Variants in C10orf90 observed in about 807,000 individuals in gnomAD.
C10orf90 encodes the protein chromosome 10 open reading frame 90, also known as (E2-independent) E3 ubiquitin-conjugating enzyme FATS.
C10orf90 carries 56 observed loss-of-function variants against 62.5 expected under a neutral mutation model. That is an observed-to-expected ratio of 0.90 (90% confidence interval 0.72 to 1.12). The LOEUF (loss-of-function observed/expected upper bound fraction) is 1.12. C10orf90 is among the 50% of genes most tolerant of loss of function. C10orf90 has a pLI of 0.00. For synonymous variants in C10orf90, 386 were observed against 340.4 expected (o/e 1.13, Z -1.47); for missense variants, 970 against 880.4 (o/e 1.10, Z -1.29).
intron 1 of C10orf90, among the ~76,000 whole-genome samples, chr10:126,669,563 G>A (rs548793436): frequency 3.9e-5 from 6 of 152,300 alleles, no homozygotes; most frequent in Admixed American, 3.3e-4. Context: ...ATAAACAGCC[G>A]ATCAGATTTC....
chr10:126,522,973 A>G (rs1032282070), intron 2 of C10orf90: 1 of 152,192 alleles, frequency 6.6e-6, no homozygotes, highest in Non-Finnish European at 1.5e-5. Context: ...AAATGAGGCA[A>G]ATAAAGGTTT....
chr10:126,566,441 G>A (rs772817449), intron 2 of C10orf90, among the ~76,000 whole-genome samples: 13 of 152,082 alleles, frequency 8.5e-5, no homozygotes, highest in Non-Finnish European at 1.3e-4. Flanking sequence ...AAGAATTACC[G>A]CCAGTTTCAG....
At chr10:126,469,990 T>C (rs558979572) in intron 4 of C10orf90, 1 of 456,766 alleles carries the variant, frequency 2.2e-6, no homozygotes, top group South Asian at 1.5e-5. Flanking sequence ...AAGGCATTCT[T>C]CTGCATGTTG....
At chr10:126,443,336 T>C (rs1470296078) in intron 7 of C10orf90, among the ~76,000 whole-genome samples, 1 of 151,984 alleles carries the variant, frequency 6.6e-6, no homozygotes, top group Admixed American at 6.6e-5. Flanking sequence ...TGGGAGATAT[T>C]ACAACTGATA....
chr10:126,428,202 TA>T (rs1857369429), intron 8 of C10orf90, among the ~76,000 whole-genome samples: 1 of 151,772 alleles, frequency 6.6e-6, no homozygotes, highest in African/African-American at 2.4e-5. Flanking sequence ...TATGCACAAA[TA>T]AAAGTCTACT....
At chr10:126,605,812 C>A (rs1309050064) in intron 2 of C10orf90, among the ~76,000 whole-genome samples, 1 of 151,892 alleles carries the variant, frequency 6.6e-6, no homozygotes, top group Non-Finnish European at 1.5e-5. Context: ...AACCAGAGAC[C>A]TGGAAAAGGC....
chr10:126,544,648 G>C (rs1005933583), intron 2 of C10orf90, among the ~76,000 whole-genome samples: 1 of 151,934 alleles, frequency 6.6e-6, no homozygotes, highest in South Asian at 2.1e-4. Context: ...TGAATATAAA[G>C]AGGAATGATA....
At chr10:126,502,050 CCA>C (rs1380130836) in intron 4 of C10orf90, among the ~76,000 whole-genome samples, 2 of 146,310 alleles carry the variant, frequency 1.4e-5, no homozygotes, top group Non-Finnish European at 3.0e-5. Flanking sequence ...CACACCCACA[CCA>C]CACACACGCA....
In C10orf90 at chr10:126,582,912, C is replaced by T. The variant is rs551920106; in HGVS notation, c.313+63653G>A. Reference sequence around the variant, plus strand: ...TGCCACAAAATGACAGACCAAGACACTGTTCCTGCAAATTGTTCAAAGTCA... The same window carrying T: ...TGCCACAAAATGACAGACCAAGACATTGTTCCTGCAAATTGTTCAAAGTCA... On this transcript the variant is annotated intron_variant, in intron 2 of 9. Coordinates refer to ENST00000488181, the MANE Select transcript of C10orf90 (RefSeq NM_001350921.2). 1.4e-4 allele frequency among the ~76,000 whole-genome samples: 22 copies of T among 152,342 alleles called. 1 individual carries two copies. The East Asian group carries it at 4.3e-3, about 29-fold the overall frequency.
intron 5 of C10orf90, among the ~76,000 whole-genome samples, chr10:126,464,020 G>C (rs1027884594): frequency 6.6e-6 from 1 of 152,090 alleles, no homozygotes; most frequent in Non-Finnish European, 1.5e-5. Context: ...ATAGTTCTTT[G>C]AGAACATCTT....
At chr10:126,635,786 A>T (rs7095968) in intron 2 of C10orf90, among the ~76,000 whole-genome samples, 78,522 of 152,018 alleles carry the variant, frequency 0.52, 20,782 homozygotes, top group Middle Eastern at 0.66. Context: ...TTAATCTGTT[A>T]TATAACCTGG....
chr10:126,660,154 G>A lies in C10orf90; in HGVS notation c.240+10087C>T, dbSNP rs958389672. Among the ~76,000 whole-genome samples the A allele has an allele frequency of 3.5e-4, 53 of 152,200 alleles. 1 individual carries two copies. The highest frequency in any genetic ancestry group is 1.2e-3 in the African/African-American group (50 of 41,452). ...TTTTAAGATTCCCCTTGGTGTACAC[G>A]CCCTACATGTTCCCCTGTCTTTGAT... On this transcript the variant is annotated intron_variant, in intron 1 of 9. Coordinates refer to ENST00000488181, the MANE Select transcript of C10orf90 (RefSeq NM_001350921.2).
At chr10:126,508,311 C>T (rs1052353540) in intron 3 of C10orf90, among the ~76,000 whole-genome samples, 1 of 146,980 alleles carries the variant, frequency 6.8e-6, no homozygotes, top group Admixed American at 6.8e-5. Flanking sequence ...GTATCTTTCA[C>T]CAGCTCCCAG....
At chr10:126,499,512 C>G (rs1210446049) in intron 4 of C10orf90, among the ~76,000 whole-genome samples, 1 of 152,154 alleles carries the variant, frequency 6.6e-6, no homozygotes, top group African/African-American at 2.4e-5. Flanking sequence ...AGGCTTCTCC[C>G]CTACAGGTAG....
intron 4 of C10orf90, among the ~76,000 whole-genome samples, chr10:126,490,027 TAA>T (rs1861656715): frequency 9.9e-6 from 1 of 100,940 alleles, no homozygotes; most frequent in Middle Eastern, 3.8e-3. Flanking sequence ...ATATAATATA[TAA>T]TATATAATAT....
chr10:126,635,660 G>A (rs562850753), intron 2 of C10orf90, among the ~76,000 whole-genome samples: 6 of 152,242 alleles, frequency 3.9e-5, no homozygotes, highest in East Asian at 1.9e-4. Flanking sequence ...CCAGACCTGC[G>A]GACAGTAGTT....
At chr10:126,489,111 TA>T (rs1444678850) in intron 4 of C10orf90, among the ~76,000 whole-genome samples, 3 of 151,784 alleles carry the variant, frequency 2.0e-5, no homozygotes, top group Admixed American at 6.6e-5. Context: ...CAAACATAAA[TA>T]AAAAAAATCC....
chr10:126,464,195 G>GT (rs1445899823), intron 5 of C10orf90, among the ~76,000 whole-genome samples: 1 of 152,116 alleles, frequency 6.6e-6, no homozygotes, highest in African/African-American at 2.4e-5. Flanking sequence ...CTAATTCTTG[G>GT]TTTCTTCCTC....
At chr10:126,467,510 T>C (rs779555317) in intron 4 of C10orf90, among the ~76,000 whole-genome samples, 3 of 152,152 alleles carry the variant, frequency 2.0e-5, no homozygotes, top group Non-Finnish European at 4.4e-5. Context: ...GGACCCACAG[T>C]CACTGCAGGA....
Sources: allele counts gnomAD v4.1 joint callset (sites outside exome capture counted in the v4.1 genomes callset), GRCh38; gene constraint gnomAD v4.1.1; transcripts MANE v1.5; gene names NCBI Gene and HGNC (gene_info 2026-07-23, HGNC 2026-07-21).